Variants in NPHP4 observed in about 807,000 individuals in gnomAD.
NPHP4 encodes nephrocystin-4.
Under a neutral mutation model 155.8 loss-of-function variants are expected in NPHP4, and 151 were observed. That is an observed-to-expected ratio of 0.97 (90% CI 0.85 to 1.11). The LOEUF (loss-of-function observed/expected upper bound fraction) is 1.11. NPHP4 is among the 50% of genes least tolerant of loss of function. The pLI is 0.00. For synonymous variants in NPHP4, 845 were observed against 816.8 expected (o/e 1.03, Z -0.59); for missense variants, 1,956 against 1,925.7 (o/e 1.02, Z -0.29).
chr1:5,990,133 T>A (rs899100901), intron 1 of NPHP4, among the ~76,000 whole-genome samples: 1 of 152,190 alleles, frequency 6.6e-6, no homozygotes, highest in Non-Finnish European at 1.5e-5. Flanking sequence ...TTTCCACCTC[T>A]GCTCTGGCCT....
chr1:5,907,150 G>C lies in NPHP4; in HGVS notation c.1576C>G (p.Leu526Val). The change falls in exon 13 of 30, where the codon CTA becomes GTA. Residue 526 changes from leucine to valine, a missense_variant. Coordinates refer to ENST00000378156, the MANE Select transcript of NPHP4 (RefSeq NM_015102.5). The stretch of plus-strand genomic sequence containing the variant: ...GGGGAGGCCTGAGAGCCATGGGGTA[G>C]CTGTGAAGTAGGCCTGGCCAAGCAG... ...QHCLARPTSQ[L>V]PHGSQASPAQ... 1 of 1,582,386 alleles carries C rather than the reference G, an allele frequency of 6.3e-7. No homozygotes were observed. Among genetic ancestry groups the C allele is most frequent in the Non-Finnish European group, 8.6e-7 (1 of 1,163,202 alleles).
At position 5,905,585 on chromosome 1, in the gene NPHP4, C is replaced by A; in HGVS notation, c.1763+47G>T. The A allele has an allele frequency of 6.2e-7, 1 of 1,610,458 alleles. No homozygotes were observed. The highest frequency in any genetic ancestry group is 8.5e-7 in the Non-Finnish European group (1 of 1,177,618). Reference sequence around the variant, plus strand: ...GGGTTCACAAGGTCCAACAGTCTGACGGCACAGCACGTGACTGGTTCCATC... The same window carrying A: ...GGGTTCACAAGGTCCAACAGTCTGAAGGCACAGCACGTGACTGGTTCCATC... On this transcript the variant is annotated intron_variant, in intron 14 of 29. Coordinates refer to ENST00000378156, the MANE Select transcript of NPHP4 (RefSeq NM_015102.5). The surrounding 1 kb of genome is among the most constrained non-coding windows in gnomAD (Gnocchi z 4.0).
intron 12 of NPHP4, among the ~76,000 whole-genome samples, chr1:5,907,433 G>T (rs1644965888): frequency 6.6e-6 from 1 of 152,208 alleles, no homozygotes; most frequent in Non-Finnish European, 1.5e-5. Flanking sequence ...GTGATTCCAT[G>T]ATCTCCCCCA....
chr1:5,976,907 C>T (rs1263080069), intron 3 of NPHP4, among the ~76,000 whole-genome samples: 1 of 152,158 alleles, frequency 6.6e-6, no homozygotes, highest in Non-Finnish European at 1.5e-5. Context: ...GAAAGGCACA[C>T]CTGGGCAGTG....
At chr1:5,955,128 C>T (rs1648930415) in intron 6 of NPHP4, among the ~76,000 whole-genome samples, 1 of 151,752 alleles carries the variant, frequency 6.6e-6, no homozygotes, top group Non-Finnish European at 1.5e-5. Flanking sequence ...GCACAGGAAA[C>T]GATGCTCAGC....
rs1427897754 is a variant in NPHP4, at chr1:5,905,824, C to A, written c.1612-41G>T. The stretch of plus-strand genomic sequence containing the variant: ...GCTTCCAAGTGAGGCCACCAAGGAC[C>A]CCAACCCGTAACAACCAACGGTGCT... On this transcript the variant is annotated intron_variant, in intron 13 of 29. Transcript: ENST00000378156. This position sits in a 1 kb window ranked among gnomAD's most constrained non-coding sequence, Gnocchi z 4.0. The A allele has an allele frequency of 1.3e-6, 2 of 1,566,880 alleles. No homozygotes were observed. Among genetic ancestry groups the A allele is most frequent in the East Asian group, 4.7e-5 (2 of 42,480 alleles).
At position 5,877,082 on chromosome 1, in the gene NPHP4, C is replaced by CA. The variant is rs1300523827; in HGVS notation, c.2817+10dup. The CA allele has an allele frequency of 1.3e-6, 2 of 1,520,462 alleles. No individual in the cohort carries two copies. The highest frequency in any genetic ancestry group is 4.7e-5 in the East Asian group (2 of 42,390). The allele number at this position is 1,520,462 out of a possible 1,614,324, so 94.2% of individuals were successfully genotyped here. A position where few individuals can be genotyped will look rare whatever the true frequency, so the allele number is the denominator to read the frequency against. On this transcript the variant is annotated intron_variant, in intron 20 of 29. Coordinates refer to ENST00000378156, the MANE Select transcript of NPHP4 (RefSeq NM_015102.5). ...AGATCCCAGGACAGTGACAGCTGAACAAACCCTTACCAACACGCTCGTCCC... is the reference window on the plus strand; with the variant it reads ...AGATCCCAGGACAGTGACAGCTGAACAAAACCCTTACCAACACGCTCGTCCC...
chr1:5,975,654 G>C (rs1009538736), intron 3 of NPHP4, among the ~76,000 whole-genome samples: 1 of 152,180 alleles, frequency 6.6e-6, no homozygotes, highest in Non-Finnish European at 1.5e-5. Context: ...ACCAGCACAG[G>C]TATTCCAGAC....
chr1:5,987,326 G>A (rs1388396594), intron 1 of NPHP4, among the ~76,000 whole-genome samples: 1 of 152,200 alleles, frequency 6.6e-6, no homozygotes, highest in East Asian at 1.9e-4. Context: ...AGAAAAAGAA[G>A]TGGGTTTGGC....
At chr1:5,915,149 C>A (rs1273228510) in intron 11 of NPHP4, among the ~76,000 whole-genome samples, 3 of 152,220 alleles carry the variant, frequency 2.0e-5, no homozygotes, top group Non-Finnish European at 4.4e-5. Flanking sequence ...GGGCAGCACG[C>A]AGAGGCTGTT....
chr1:5,941,511 A>G (rs892024347), intron 9 of NPHP4, among the ~76,000 whole-genome samples: 3 of 152,186 alleles, frequency 2.0e-5, no homozygotes, highest in African/African-American at 7.2e-5. Context: ...AAATGAGGAG[A>G]AAATATCTGC....
chr1:5,906,448 C>A (rs911805410), intron 13 of NPHP4, among the ~76,000 whole-genome samples: 1 of 152,228 alleles, frequency 6.6e-6, no homozygotes, highest in Non-Finnish European at 1.5e-5. Context: ...ATGTCTCATG[C>A]GCCAATAATA....
rs151307220 is a variant in NPHP4 at position 5,932,771 on chromosome 1, C to T, written c.1302+376G>A. Among the ~76,000 whole-genome samples, 1,412 of 152,144 alleles carry T rather than the reference C, an allele frequency of 9.3e-3. 62 individuals carry two copies. Among genetic ancestry groups the T allele is most frequent in the Admixed American group, 0.073 (1,109 of 15,284 alleles). ...CACAAAGATAAGCCAGGGCTAGAAA[C>T]CAGAACCGGCTCCCACCTCAGCACT... On this transcript the variant is annotated intron_variant, in intron 10 of 29. Coordinates refer to ENST00000378156, the MANE Select transcript of NPHP4 (RefSeq NM_015102.5).
In NPHP4 at chr1:5,874,544, A is replaced by T; in HGVS notation, c.3158T>A (p.Leu1053Gln). ...GACGTGGGCGGTCTCGTGGGGGCGC[A>T]GGTAGAGCTGGGGGGCCAGGCTGCC... ...LRGSLAPQLY[L>Q]RPHETAHVPF... The change falls in exon 22 of 30, where the codon CTG (leucine) becomes CAG (glutamine). Residue 1053 changes from leucine (L) to glutamine (Q), a missense_variant. Coordinates refer to ENST00000378156, the MANE Select transcript of NPHP4 (RefSeq NM_015102.5). 6.2e-7 allele frequency: 1 copy of T among 1,601,240 alleles called. No homozygotes were observed. Among genetic ancestry groups the T allele is most frequent in the Non-Finnish European group, 8.5e-7 (1 of 1,174,610 alleles).
intron 23 of NPHP4, among the ~76,000 whole-genome samples, chr1:5,873,034 G>C (rs1333411682): frequency 6.6e-6 from 1 of 152,236 alleles, no homozygotes; most frequent in African/African-American, 2.4e-5. Flanking sequence ...CCACCAAGGA[G>C]GCATTTCCGA....
rs1476774217 is a variant in NPHP4 at position 5,964,935 on chromosome 1, A to ATTT, written c.517+2363_517+2364insAAA. 2.2e-3 allele frequency among the ~76,000 whole-genome samples: 70 copies of ATTT among 31,922 alleles called. 2 individuals are homozygous for ATTT. The highest frequency in any genetic ancestry group is 8.0e-3 in the African/African-American group (41 of 5,112). The allele number at this position is 31,922 out of a possible 152,430, so 20.9% of individuals were successfully genotyped here. On this transcript the variant is annotated intron_variant, in intron 5 of 29. Transcript: ENST00000378156. ...ATATATATTATATATATATATATATATATATATTTTTTTTTTTTGAGGCAG... is the reference window on the plus strand; with the variant it reads ...ATATATATTATATATATATATATATATTTTATATATTTTTTTTTTTTGAGGCAG...
intron 6 of NPHP4, among the ~76,000 whole-genome samples, chr1:5,953,994 T>C (rs1648705617): frequency 6.6e-6 from 1 of 152,240 alleles, no homozygotes; most frequent in Admixed American, 6.5e-5. Context: ...TAACACTCCA[T>C]GCTGATGAAA....
chr1:5,864,889 G>A (rs1248589353), intron 27 of NPHP4: 11 of 566,434 alleles, frequency 1.9e-5, no homozygotes, highest in Admixed American at 6.0e-5. Flanking sequence ...TCTGAACACC[G>A]GCCTTTGGGG....
At position 5,920,470 on chromosome 1, in the gene NPHP4, T is replaced by C. The variant is rs1645687435; in HGVS notation, c.1441+7179A>G. Among the ~76,000 whole-genome samples the C allele has an allele frequency of 3.3e-5, 5 of 152,260 alleles. 1 individual carries two copies. The South Asian group carries it at 1.0e-3, about 32-fold the overall frequency. On this transcript the variant is annotated intron_variant, in intron 11 of 29. Transcript: ENST00000378156. ...GCCCCGTGTTAATTGAACCAGTAGT[T>C]GAAGGGGTACGTACATGTGGTCGCT...
Sources: allele counts gnomAD v4.1 joint callset (sites outside exome capture counted in the v4.1 genomes callset), GRCh38; gene constraint gnomAD v4.1.1; non-coding constraint Gnocchi (gnomAD v3.1); transcripts MANE v1.5; gene names NCBI Gene and HGNC (gene_info 2026-07-23, HGNC 2026-07-21).